Variants in FGGY observed in about 807,000 individuals in gnomAD.
The protein encoded by FGGY is FGGY carbohydrate kinase domain-containing protein.
FGGY carries 72 observed loss-of-function variants against 71.3 expected under a neutral mutation model. The ratio of observed to expected loss-of-function variants is 1.01; its 90% CI spans 0.84 to 1.23. The LOEUF is 1.23. FGGY is among the 50% of genes most tolerant of loss of function. The pLI is 0.00. For synonymous variants in FGGY, 251 were observed against 250.3 expected (o/e 1.00, Z -0.02); for missense variants, 668 against 682.3 (o/e 0.98, Z 0.23).
chr1:59,435,927 C>T (rs116670663), intron 5 of FGGY, among the ~76,000 whole-genome samples: 101 of 152,204 alleles, frequency 6.6e-4, no homozygotes, highest in Non-Finnish European at 1.2e-3. Context: ...ACTGAGTGAG[C>T]GAGCACATGG....
intron 11 of FGGY, among the ~76,000 whole-genome samples, chr1:59,653,489 A>G (rs1014952865): frequency 1.3e-5 from 2 of 152,072 alleles, no homozygotes; most frequent in Non-Finnish European, 2.9e-5. Flanking sequence ...GAAAAGCGCA[A>G]TATTCGGGTG....
chr1:59,545,714 A>T (rs1450767290), intron 7 of FGGY, among the ~76,000 whole-genome samples: 1 of 152,110 alleles, frequency 6.6e-6, no homozygotes, highest in African/African-American at 2.4e-5. Context: ...TGTTCTCTCC[A>T]CTCCTCGCAA....
At chr1:59,383,063 C>T (rs1477571439) in intron 5 of FGGY, among the ~76,000 whole-genome samples, 1 of 152,128 alleles carries the variant, frequency 6.6e-6, no homozygotes, top group Admixed American at 6.5e-5. Context: ...AGTCTCTTCC[C>T]TTCTTTGATT....
At chr1:59,578,533 C>T (rs2096126281) in intron 8 of FGGY, among the ~76,000 whole-genome samples, 1 of 152,030 alleles carries the variant, frequency 6.6e-6, no homozygotes, top group Non-Finnish European at 1.5e-5. Context: ...ACTGTAGCTG[C>T]AGAAGGGAGA....
intron 11 of FGGY, among the ~76,000 whole-genome samples, chr1:59,640,917 C>G: frequency 6.6e-6 from 1 of 150,880 alleles, no homozygotes; most frequent in South Asian, 2.1e-4. Context: ...CAATCCCAGC[C>G]CTCAGGAATA....
At chr1:59,624,181 C>G (rs1352337479) in intron 9 of FGGY, among the ~76,000 whole-genome samples, 4 of 151,770 alleles carry the variant, frequency 2.6e-5, no homozygotes, top group African/African-American at 9.7e-5. Flanking sequence ...GAAACATTTC[C>G]ACAAAAACTG....
intron 5 of FGGY, among the ~76,000 whole-genome samples, chr1:59,447,875 G>A (rs1311273084): frequency 6.6e-6 from 1 of 152,158 alleles, no homozygotes; most frequent in Non-Finnish European, 1.5e-5. Flanking sequence ...TAATACATTG[G>A]ACCTTAGTAC....
intron 5 of FGGY, among the ~76,000 whole-genome samples, chr1:59,449,026 C>T (rs1223700539): frequency 6.6e-6 from 1 of 152,120 alleles, no homozygotes; most frequent in Non-Finnish European, 1.5e-5. Context: ...TGTCATGAAT[C>T]CTTGATTTCA....
At chr1:59,751,791 G>A (rs2098247335) in intron 14 of FGGY, among the ~76,000 whole-genome samples, 1 of 152,104 alleles carries the variant, frequency 6.6e-6, no homozygotes, top group African/African-American at 2.4e-5. Flanking sequence ...CCATTTTCTT[G>A]TTTACTTGAA....
intron 4 of FGGY, among the ~76,000 whole-genome samples, chr1:59,372,361 A>G (rs919588764): frequency 2.0e-5 from 3 of 152,236 alleles, no homozygotes; most frequent in Non-Finnish European, 4.4e-5. Flanking sequence ...TAAACCAGGA[A>G]GAAGTTGAAT....
chr1:59,385,040 C>T (rs1199532685), intron 5 of FGGY, among the ~76,000 whole-genome samples: 1 of 152,062 alleles, frequency 6.6e-6, no homozygotes, highest in Non-Finnish European at 1.5e-5. Flanking sequence ...TTTAAAAATA[C>T]GTTTTAGTAG....
chr1:59,431,873 C>T (rs753629330), intron 5 of FGGY, among the ~76,000 whole-genome samples: 5 of 152,202 alleles, frequency 3.3e-5, no homozygotes, highest in African/African-American at 7.2e-5. Context: ...AACAGAGCTT[C>T]TAAATCCCTT....
chr1:59,456,943 T>C lies in FGGY; in HGVS notation c.555-18T>C. Reference sequence around the variant, plus strand: ...ACTCATATGGTCAGTTCTATCTATATCTCTTCTATTTTCTTAGGTCTCTCT... The same window carrying C: ...ACTCATATGGTCAGTTCTATCTATACCTCTTCTATTTTCTTAGGTCTCTCT... On this transcript the variant is annotated intron_variant, in intron 5 of 15. Transcript: ENST00000303721. The C allele has an allele frequency of 6.3e-7, 1 of 1,578,396 alleles. No homozygotes were observed. The highest frequency in any genetic ancestry group is 8.7e-7 in the Non-Finnish European group (1 of 1,147,678).
intron 2 of FGGY, among the ~76,000 whole-genome samples, chr1:59,322,422 A>G (rs1258662295): frequency 4.0e-5 from 6 of 151,832 alleles, no homozygotes; most frequent in African/African-American, 1.5e-4. Flanking sequence ...CCCAATGTGT[A>G]GTCTTTTATT....
At chr1:59,296,573 G>A (rs1275700418), upstream of FGGY, 2 of 152,572 alleles carry the variant, frequency 1.3e-5, no homozygotes, top group East Asian at 1.9e-4. Context: ...AGGCCCCAGG[G>A]AACGCTGCAG....
At chr1:59,439,827 T>C (rs2069343624) in intron 5 of FGGY, among the ~76,000 whole-genome samples, 1 of 152,190 alleles carries the variant, frequency 6.6e-6, no homozygotes. Flanking sequence ...TGAATACTAC[T>C]CTCTCAACTT....
chr1:59,428,471 G>C (rs568078963), intron 5 of FGGY, among the ~76,000 whole-genome samples: 13 of 152,198 alleles, frequency 8.5e-5, no homozygotes, highest in Non-Finnish European at 4.4e-5. Context: ...ACAGTAATTA[G>C]ATGCCAGTGT....
At chr1:59,443,679 G>A (rs772196231) in intron 5 of FGGY, among the ~76,000 whole-genome samples, 3 of 152,194 alleles carry the variant, frequency 2.0e-5, no homozygotes, top group South Asian at 2.1e-4. Context: ...AATTGGATAG[G>A]CCAAAATGAG....
chr1:59,539,222 C>G (rs941485051), intron 7 of FGGY, among the ~76,000 whole-genome samples: 2 of 152,114 alleles, frequency 1.3e-5, no homozygotes, highest in African/African-American at 2.4e-5. Flanking sequence ...ATTCAGTGTA[C>G]TTCAGTTCAG....
Sources: allele counts gnomAD v4.1 joint callset (sites outside exome capture counted in the v4.1 genomes callset), GRCh38; gene constraint gnomAD v4.1.1; transcripts MANE v1.5; gene names NCBI Gene and HGNC (gene_info 2026-07-23, HGNC 2026-07-21).